The following SKOR2 variants were observed in gnomAD, a reference collection of about 807,000 sequenced individuals.
SKOR2 encodes LBX1 corepressor 1-like protein.
SKOR2 carries 47 observed loss-of-function variants against 69.1 expected under a neutral mutation model. That is an observed-to-expected ratio of 0.68 (90% CI 0.54 to 0.87). The LOEUF (loss-of-function observed/expected upper bound fraction) is 0.87, where lower values mean the gene tolerates loss of function less well. SKOR2 is among the 40% of genes least tolerant of loss of function. SKOR2 has a pLI of 0.00. For synonymous variants in SKOR2, 717 were observed against 672.6 expected (o/e 1.07, Z -1.02); for missense variants, 1,404 against 1,472.2 (o/e 0.95, Z 0.76).
In SKOR2 at chr18:47,231,012, G is replaced by T. The variant is rs775029612; in HGVS notation, c.2753-12C>A. 1 of 1,534,994 alleles carries T rather than the reference G, an allele frequency of 6.5e-7. No homozygotes were observed. Among genetic ancestry groups the T allele is most frequent in the South Asian group, 1.2e-5 (1 of 84,024 alleles). ...TTGTGTATGTTCACCTTTTAAAAAA[G>T]CAGGAAAAATACTATTAGTTTTGTG... On this transcript the variant is annotated splice_polypyrimidine_tract_variant and intron_variant, in intron 4 of 8. Transcript: ENST00000425639.
Position 47,230,827 on chromosome 18 carries a change from T to C in SKOR2, c.2818+108A>G, listed in dbSNP as rs117353369. The C allele has an allele frequency of 1.8e-4, 197 of 1,086,390 alleles. 1 individual carries two copies. The highest frequency in any genetic ancestry group is 2.3e-4 in the Non-Finnish European group (177 of 754,652). The allele number at this position is 1,086,390 out of a possible 1,614,324, so 67.3% of individuals were successfully genotyped here. ...CCCAATGGTCCATATATTATTCATA[T>C]GTTGCTTGTCAAGCTAAAAATATGG... On this transcript the variant is annotated intron_variant, in intron 5 of 8. Transcript: ENST00000425639.
At position 47,245,478 on chromosome 18, in the gene SKOR2, A is replaced by AATTTTTTTT. The variant is rs761865324; in HGVS notation, c.2677+19_2677+20insAAAAAAAAT. The stretch of plus-strand genomic sequence containing the variant: ...ATGCAGGCAAGAAAAGTGGCAGCTG[A>AATTTTTTTT]TTTTTTTTTTTTTTTTTACCTGAAA... On this transcript the variant is annotated intron_variant, in intron 3 of 8. Transcript: ENST00000425639. 19 of 1,198,350 alleles carry AATTTTTTTT rather than the reference A, an allele frequency of 1.6e-5. No homozygotes were observed. Among genetic ancestry groups the AATTTTTTTT allele is most frequent in the Non-Finnish European group, 1.1e-6 (1 of 934,646 alleles). 74.2% of individuals were successfully genotyped at this position (1,198,350 alleles called of 1,614,324 possible).
chr18:47,210,311 T>C (rs2064124178), intron 8 of SKOR2, among the ~76,000 whole-genome samples: 1 of 152,112 alleles, frequency 6.6e-6, no homozygotes, highest in Admixed American at 6.6e-5. Flanking sequence ...TGAGTTTCCT[T>C]TTTGTTTTTG....
chr18:47,247,371 G>A lies in SKOR2; in HGVS notation c.1813C>T (p.Pro605Ser), dbSNP rs1227894613. The A allele has an allele frequency of 7.0e-6, 10 of 1,427,814 alleles. No individual in the cohort carries two copies. The highest frequency in any genetic ancestry group is 3.0e-5 in the African/African-American group (2 of 67,402). 88.4% of individuals were successfully genotyped at this position (1,427,814 alleles called of 1,614,324 possible). ...GCTTTGCGCCCCTCCAGAAGGTGCG[G>A]ATGGTGGGGCGCCGGAACCCGGGAG... ...AGSRVPAPHH[P>S]HLLEGRKAGG... is the part of the protein sequence containing the mutation. The change falls in exon 2 of 9, where the codon CCG becomes TCG. Residue 605 changes from proline (P) to serine (S), a missense_variant. Around this residue, in one of 3 missense-constraint regions of SKOR2, gnomAD observed 1,266 missense variants for 1,309.9 expected, o/e 0.97. Coordinates refer to ENST00000425639, the MANE Select transcript of SKOR2 (RefSeq NM_001278063.4). This position sits in a 1 kb window ranked among gnomAD's most constrained non-coding sequence, Gnocchi z 6.6.
intron 7 of SKOR2, among the ~76,000 whole-genome samples, chr18:47,218,755 A>G (rs2077443866): frequency 6.6e-6 from 1 of 152,304 alleles, no homozygotes; most frequent in Admixed American, 6.5e-5. Flanking sequence ...ATTATCAAGG[A>G]ATCAAAAGCT....
chr18:47,238,320 CTT>C (rs772229985), intron 4 of SKOR2, among the ~76,000 whole-genome samples: 31,362 of 107,066 alleles, frequency 0.29, 3,221 homozygotes, highest in South Asian at 0.36. Context: ...CTTTTCTTTT[CTT>C]TTTTTTTTTT....
At chr18:47,230,335 C>T (rs2064192842) in intron 6 of SKOR2, 124 bp downstream of exon 6, 3 of 562,808 alleles carry the variant, frequency 5.3e-6, no homozygotes, top group Non-Finnish European at 8.1e-6. Flanking sequence ...AATATTTAGG[C>T]AGACCATGGG....
At chr18:47,244,134 A>G (rs2144511265) in intron 4 of SKOR2, among the ~76,000 whole-genome samples, 1 of 152,304 alleles carries the variant, frequency 6.6e-6, no homozygotes, top group Non-Finnish European at 1.5e-5. Flanking sequence ...GTTATATAAG[A>G]TTCCTTTAAG....
intron 8 of SKOR2, among the ~76,000 whole-genome samples, chr18:47,210,033 C>T (rs1256224354): frequency 6.6e-6 from 1 of 152,146 alleles, no homozygotes; most frequent in East Asian, 1.9e-4. Context: ...GCTGTGATCG[C>T]ATCACTGCAA....
chr18:47,235,140 T>A (rs2064216671), intron 4 of SKOR2, among the ~76,000 whole-genome samples: 1 of 150,860 alleles, frequency 6.6e-6, no homozygotes. Flanking sequence ...CGAGGGAGAG[T>A]GCTTGAACCC....
intron 8 of SKOR2, among the ~76,000 whole-genome samples, chr18:47,207,359 G>T (rs897434747): frequency 6.6e-6 from 1 of 152,152 alleles, no homozygotes; most frequent in African/African-American, 2.4e-5. Context: ...ATGTGAATTA[G>T]GCCATGATTT....
chr18:47,207,525 A>G (rs1425830805), intron 8 of SKOR2, among the ~76,000 whole-genome samples: 1 of 152,138 alleles, frequency 6.6e-6, no homozygotes. Flanking sequence ...GAAAGCAGTA[A>G]TACTTACCTC....
intron 6 of SKOR2, among the ~76,000 whole-genome samples, chr18:47,223,900 G>A (rs1757689598): frequency 1.7e-5 from 2 of 114,338 alleles, no homozygotes; most frequent in Admixed American, 9.5e-5. Context: ...TTTTTTCTAT[G>A]TTCTTTTTTT....
intron 2 of SKOR2, among the ~76,000 whole-genome samples, chr18:47,246,339 G>A (rs1871560255): frequency 6.6e-6 from 1 of 152,160 alleles, no homozygotes; most frequent in Non-Finnish European, 1.5e-5. Flanking sequence ...TGAAATATAA[G>A]AGGGAAAGGC....
chr18:47,236,414 C>T (rs1326513507), intron 4 of SKOR2, among the ~76,000 whole-genome samples: 2 of 152,204 alleles, frequency 1.3e-5, no homozygotes, highest in Non-Finnish European at 2.9e-5. Context: ...AATCAGAATG[C>T]CATCCAAGTC....
At chr18:47,228,039 C>T (rs2064184870) in intron 6 of SKOR2, among the ~76,000 whole-genome samples, 1 of 152,212 alleles carries the variant, frequency 6.6e-6, no homozygotes, top group African/African-American at 2.4e-5. Context: ...CACGAGAATT[C>T]CTCTATGCTT....
At chr18:47,221,529 T>C (rs1203265988) in intron 6 of SKOR2, among the ~76,000 whole-genome samples, 1 of 152,250 alleles carries the variant, frequency 6.6e-6, no homozygotes, top group Non-Finnish European at 1.5e-5. Flanking sequence ...CTATGCATTA[T>C]ACTTCCAGCC....
chr18:47,231,128 A>G, intron 4 of SKOR2, 128 bp from the exon 5 acceptor site: 1 of 1,536,094 alleles, frequency 6.5e-7, no homozygotes. Flanking sequence ...AGTCCTCATA[A>G]CCAAATGTTG....
chr18:47,237,109 G>A (rs1420418823), intron 4 of SKOR2, among the ~76,000 whole-genome samples: 1 of 152,124 alleles, frequency 6.6e-6, no homozygotes, highest in African/African-American at 2.4e-5. Flanking sequence ...ACCAACTAAC[G>A]CTATTCTAAA....
Sources: allele counts gnomAD v4.1 joint callset (sites outside exome capture counted in the v4.1 genomes callset), GRCh38; gene constraint gnomAD v4.1.1; regional missense constraint gnomAD v4.1.1; non-coding constraint Gnocchi (gnomAD v3.1); transcripts MANE v1.5; gene names NCBI Gene and HGNC (gene_info 2026-07-23, HGNC 2026-07-21).